The following CREB3L2 variants were observed in gnomAD, a reference collection of about 807,000 sequenced individuals.
CREB3L2 encodes the protein cAMP responsive element binding protein 3 like 2, also known as cyclic AMP-responsive element-binding protein 3-like protein 2.
A neutral mutation model predicts 57.2 loss-of-function variants in CREB3L2; 23 were observed. That is an observed-to-expected ratio of 0.40 (90% confidence interval 0.29 to 0.57). The LOEUF (loss-of-function observed/expected upper bound fraction) is 0.57. Ranked by LOEUF, CREB3L2 falls within the 20% of genes least tolerant of loss-of-function variation. CREB3L2 has a pLI of 0.42. For synonymous variants in CREB3L2, 268 were observed against 265.1 expected (o/e 1.01, Z -0.11); for missense variants, 628 against 634.7 (o/e 0.99, Z 0.11).
rs1332182717 is a variant in CREB3L2 at position 137,885,421 on chromosome 7, C to T, written c.1125G>A (p.Gln375=). ...VSRTCKLAGT[Q]TGTCLMVVVL... ...AGCTCACCATGAGGCAGGTGCCAGT[C>T]TGCGTGCCAGCTAACTTGCAGGTTC... Residue 375 remains glutamine (Q), a synonymous_variant, in exon 9 of 12, where the codon CAG becomes CAA. Coordinates refer to ENST00000330387, the MANE Select transcript of CREB3L2 (RefSeq NM_194071.4). 2 of 1,614,016 alleles carry T rather than the reference C, an allele frequency of 1.2e-6. No individual in the cohort carries two copies. Among genetic ancestry groups the T allele is most frequent in the East Asian group, 2.2e-5 (1 of 44,890 alleles).
At chr7:137,972,972 A>G (rs1168222034) in intron 1 of CREB3L2, among the ~76,000 whole-genome samples, 1 of 151,182 alleles carries the variant, frequency 6.6e-6, no homozygotes, top group Non-Finnish European at 1.5e-5. Context: ...AATGTCCCCA[A>G]ATCCCTATAT....
At chr7:137,895,539 C>A (rs73450493) in intron 8 of CREB3L2, among the ~76,000 whole-genome samples, 1 of 151,804 alleles carries the variant, frequency 6.6e-6, no homozygotes, top group African/African-American at 2.4e-5. Flanking sequence ...ACTTCCTCAT[C>A]TACTCTCCCG....
rs1799242069 is a variant in CREB3L2, at chr7:137,879,598, A to G, written c.*878T>C. 4.1e-6 allele frequency: 1 copy of G among 246,598 alleles called. No individual in the cohort carries two copies. Among genetic ancestry groups the G allele is most frequent in the Admixed American group, 5.2e-5 (1 of 19,056 alleles). The allele number at this position is 246,598 out of a possible 1,614,324, so 15.3% of individuals were successfully genotyped here. ...AAAGAAAAAACAAAGGAAAGGAAAC[A>G]AAACATTGTCTGGAAAGACACGGGA... On this transcript the variant is annotated 3_prime_UTR_variant, in exon 12 of 12. Transcript: ENST00000330387.
At chr7:137,967,284 C>G (rs1375886763) in intron 1 of CREB3L2, among the ~76,000 whole-genome samples, 1 of 152,172 alleles carries the variant, frequency 6.6e-6, no homozygotes, top group Non-Finnish European at 1.5e-5. Flanking sequence ...TTAAGGTGGC[C>G]TGAGCAGACC....
chr7:137,937,212 C>A (rs1004708690), intron 1 of CREB3L2, among the ~76,000 whole-genome samples: 1 of 152,194 alleles, frequency 6.6e-6, no homozygotes, highest in Non-Finnish European at 1.5e-5. Flanking sequence ...GCACAGAATG[C>A]CTCCCAAAGA....
intron 1 of CREB3L2, among the ~76,000 whole-genome samples, chr7:137,969,794 A>AC (rs772071525): frequency 1.9e-4 from 13 of 69,970 alleles, no homozygotes; most frequent in African/African-American, 1.7e-4. Context: ...ACACACACAC[A>AC]ACATACACAT....
intron 2 of CREB3L2, among the ~76,000 whole-genome samples, chr7:137,925,471 G>A (rs998841937): frequency 2.0e-5 from 3 of 152,280 alleles, no homozygotes; most frequent in African/African-American, 7.2e-5. Context: ...AATATAAAAT[G>A]TAATGTATAT....
Position 138,001,680 on chromosome 7 carries a change from T to C in CREB3L2, c.26A>G (p.Gln9Arg). Residue 9 changes from glutamine to arginine, a missense_variant, in exon 1 of 12, where the codon CAG (glutamine) becomes CGG (arginine). Gln to Arg is a conservative substitution (Grantham distance 43). This residue lies in a region of CREB3L2 where 339 missense variants were observed against 355.4 expected (regional missense o/e 0.95). Coordinates refer to ENST00000330387, the MANE Select transcript of CREB3L2 (RefSeq NM_194071.4). This position sits in a 1 kb window ranked among gnomAD's most constrained non-coding sequence, Gnocchi z 4.2. MEVLESGE[Q>R]GVLQWDRKLS... ...CTTGCGGTCCCACTGCAGCACGCCC[T>C]GCTCCCCGCTCTCCAGCACCTCCAT... 1.2e-6 allele frequency: 2 copies of C among 1,612,198 alleles called. No individual in the cohort carries two copies. Among genetic ancestry groups the C allele is most frequent in the Non-Finnish European group, 1.7e-6 (2 of 1,179,698 alleles).
rs1563232639 is a variant in CREB3L2, at chr7:137,875,508, G to C, written c.*4968C>G. 4.5e-6 allele frequency: 1 copy of C among 223,528 alleles called. No individual in the cohort carries two copies. The allele number at this position is 223,528 out of a possible 1,614,324, so 13.8% of individuals were successfully genotyped here. On this transcript the variant is annotated 3_prime_UTR_variant, in exon 12 of 12. Coordinates refer to ENST00000330387, the MANE Select transcript of CREB3L2 (RefSeq NM_194071.4). ...CTTTCCCCAGATGTAAAGCCTGCTA[G>C]CTGGAACTCACAGAAGATTGGAACA...
Position 137,904,020 on chromosome 7 carries a change from G to A in CREB3L2, c.916-3C>T. On this transcript the variant is annotated splice_region_variant and splice_polypyrimidine_tract_variant and intron_variant, in intron 6 of 11. Transcript: ENST00000330387. ...CTCCTACTTTCCTGAGCAGAAATCT[G>A]AGAGAGAGGAGTGGGAGGAGAATGA... 3.1e-6 allele frequency: 5 copies of A among 1,609,920 alleles called. No individual in the cohort carries two copies. The highest frequency in any genetic ancestry group is 4.3e-6 in the Non-Finnish European group (5 of 1,176,116).
chr7:137,910,573 A>G (rs952256088), intron 4 of CREB3L2, among the ~76,000 whole-genome samples: 2 of 152,052 alleles, frequency 1.3e-5, no homozygotes, highest in African/African-American at 4.8e-5. Flanking sequence ...ACAAAAAAAC[A>G]AACAAACAAA....
chr7:137,942,803 T>G (rs1054321688), intron 1 of CREB3L2, among the ~76,000 whole-genome samples: 2 of 152,208 alleles, frequency 1.3e-5, no homozygotes, highest in African/African-American at 4.8e-5. Context: ...TTGTTCATGA[T>G]TGAACAATGG....
At chr7:137,986,302 T>C (rs1011160018) in intron 1 of CREB3L2, among the ~76,000 whole-genome samples, 4 of 152,236 alleles carry the variant, frequency 2.6e-5, no homozygotes, top group African/African-American at 9.6e-5. Flanking sequence ...GGTGTTTCCA[T>C]TTTGTTAGAC....
At chr7:137,891,628 T>A (rs1026887312) in intron 8 of CREB3L2, among the ~76,000 whole-genome samples, 1 of 151,802 alleles carries the variant, frequency 6.6e-6, no homozygotes, top group African/African-American at 2.4e-5. Context: ...CAGGCTGGAG[T>A]GCAGTGGCGT....
At chr7:137,972,736 T>TAG (rs564670456) in intron 1 of CREB3L2, among the ~76,000 whole-genome samples, 55 of 22,356 alleles carry the variant, frequency 2.5e-3, no homozygotes, top group South Asian at 6.3e-3. Context: ...TATATATATA[T>TAG]AGAGAGAGAG....
At chr7:137,984,692 G>C (rs915259669) in intron 1 of CREB3L2, among the ~76,000 whole-genome samples, 6 of 152,126 alleles carry the variant, frequency 3.9e-5, no homozygotes, top group Non-Finnish European at 7.4e-5. Context: ...CTTTTTGTTT[G>C]GTTTTTCTAA....
In CREB3L2 at chr7:138,001,493, C is replaced by CA. The variant is rs1802075288; in HGVS notation, c.102+110dup. On this transcript the variant is annotated intron_variant, in intron 1 of 11. Transcript: ENST00000330387. This position sits in a 1 kb window ranked among gnomAD's most constrained non-coding sequence, Gnocchi z 4.2. ...TCGCCCAGGACCTCTTGATTCTGAC[C>CA]ATGCCCTGCCCCAAACCCTGCCTTC... 1.4e-6 allele frequency: 1 copy of CA among 730,502 alleles called. No individual in the cohort carries two copies. Among genetic ancestry groups the CA allele is most frequent in the African/African-American group, 1.8e-5 (1 of 56,566 alleles). The allele number at this position is 730,502 out of a possible 1,614,324, so 45.3% of individuals were successfully genotyped here. A position where few individuals can be genotyped will look rare whatever the true frequency, so the allele number is the denominator to read the frequency against.
intron 1 of CREB3L2, among the ~76,000 whole-genome samples, chr7:137,932,362 A>T (rs1421624251): frequency 6.6e-6 from 1 of 152,202 alleles, no homozygotes; most frequent in African/African-American, 2.4e-5. Context: ...TTAAAGGCAT[A>T]AATAAATAAA....
intron 6 of CREB3L2, 128 bp downstream of exon 6, chr7:137,905,574 G>A (rs1799868241): frequency 2.0e-6 from 2 of 999,558 alleles, no homozygotes; most frequent in African/African-American, 1.6e-5. Context: ...GCTTAGGGAA[G>A]GGAAGGGCTG....
Sources: allele counts gnomAD v4.1 joint callset (sites outside exome capture counted in the v4.1 genomes callset), GRCh38; gene constraint gnomAD v4.1.1; regional missense constraint gnomAD v4.1.1; non-coding constraint Gnocchi (gnomAD v3.1); transcripts MANE v1.5; gene names NCBI Gene and HGNC (gene_info 2026-07-23, HGNC 2026-07-21).